The following EDNRA variants were observed in gnomAD, a reference collection of about 807,000 sequenced individuals.
EDNRA encodes endothelin-1 receptor.
In EDNRA, 11 loss-of-function variants were observed where a neutral mutation model predicts 41.4. The observed-to-expected ratio is 0.27, with a 90% CI of 0.17 to 0.44. The LOEUF (loss-of-function observed/expected upper bound fraction) is 0.44, where lower values mean the gene tolerates loss of function less well. EDNRA is among the 20% of genes least tolerant of loss of function. The probability of loss-of-function intolerance (pLI) is 1.00; values close to 1 mark genes in which losing one functional copy is unlikely to be tolerated. For synonymous variants in EDNRA, 172 were observed against 183.0 expected (o/e 0.94, Z 0.49); for missense variants, 294 against 531.0 (o/e 0.55, Z 4.39).
At chr4:147,515,121 A>G (rs1395014574) in intron 2 of EDNRA, among the ~76,000 whole-genome samples, 1 of 152,110 alleles carries the variant, frequency 6.6e-6, no homozygotes, top group East Asian at 1.9e-4. Flanking sequence ...GGGACCCTTA[A>G]AGACTACTAA....
chr4:147,513,142 C>T (rs150013003), intron 2 of EDNRA, among the ~76,000 whole-genome samples: 11 of 152,260 alleles, frequency 7.2e-5, no homozygotes, highest in Admixed American at 2.6e-4. Context: ...TCAGGGCCCA[C>T]GCTCTGAGCT....
intron 4 of EDNRA, among the ~76,000 whole-genome samples, chr4:147,533,547 T>A (rs1324503601): frequency 1.3e-5 from 2 of 152,236 alleles, no homozygotes; most frequent in Non-Finnish European, 2.9e-5. Context: ...CTTGGAAAAT[T>A]CACAGAATTC....
chr4:147,542,053 G>C (rs1442712546), intron 7 of EDNRA, among the ~76,000 whole-genome samples: 3 of 152,010 alleles, frequency 2.0e-5, no homozygotes, highest in South Asian at 2.1e-4. Flanking sequence ...TCATAAAATG[G>C]GGGAATAGCA....
At chr4:147,492,921 C>T (rs1195581121) in intron 2 of EDNRA, 1 of 152,126 alleles carries the variant, frequency 6.6e-6, no homozygotes, top group African/African-American at 2.4e-5. Context: ...TCATTGCCTT[C>T]TCTCATGGTC....
At chr4:147,502,367 C>G (rs1016773018) in intron 2 of EDNRA, among the ~76,000 whole-genome samples, 2 of 152,092 alleles carry the variant, frequency 1.3e-5, no homozygotes, top group Non-Finnish European at 2.9e-5. Flanking sequence ...TATATAAACT[C>G]TAATTATTAA....
chr4:147,496,442 TA>T (rs1286442616), intron 2 of EDNRA, among the ~76,000 whole-genome samples: 1 of 152,250 alleles, frequency 6.6e-6, no homozygotes, highest in African/African-American at 2.4e-5. Flanking sequence ...TAATACTTTT[TA>T]AACTTTTAAA....
At chr4:147,506,217 A>G in intron 2 of EDNRA, 1 of 521,888 alleles carries the variant, frequency 1.9e-6, no homozygotes, top group Non-Finnish European at 3.9e-6. Context: ...TCTTGCAAAT[A>G]TTCATGATAT....
At chr4:147,504,590 C>G (rs1323107362) in intron 2 of EDNRA, among the ~76,000 whole-genome samples, 1 of 151,880 alleles carries the variant, frequency 6.6e-6, no homozygotes, top group Non-Finnish European at 1.5e-5. Flanking sequence ...AAACATGATC[C>G]ATAAGGAAAA....
chr4:147,505,973 G>A (rs1195388032), intron 2 of EDNRA: 1 of 325,702 alleles, frequency 3.1e-6, no homozygotes, highest in African/African-American at 2.2e-5. Context: ...AACTAAATAT[G>A]CAATTACCAT....
rs562645351 is a variant in EDNRA at position 147,535,990 on chromosome 4, T to C, written c.861T>C (p.Asn287=). ...LMTCEMLNRR[N]GSLRIALSEH... is the part of the protein sequence containing the mutation. The stretch of plus-strand genomic sequence containing the variant: ...CTTGTGAGATGTTGAACAGAAGGAA[T>C]GGCAGCTTGAGAATTGCCCTCAGTG... The change falls in exon 5 of 8, where the codon AAT becomes AAC. Residue 287 remains asparagine (N), a synonymous_variant. Coordinates refer to ENST00000651419, the MANE Select transcript of EDNRA (RefSeq NM_001957.4). 4 of 1,614,026 alleles carry C rather than the reference T, an allele frequency of 2.5e-6. No homozygotes were observed. Among genetic ancestry groups the C allele is most frequent in the South Asian group, 2.2e-5 (2 of 91,076 alleles).
intron 2 of EDNRA, among the ~76,000 whole-genome samples, chr4:147,514,141 C>A (rs1349357554): frequency 1.3e-5 from 2 of 152,176 alleles, no homozygotes; most frequent in African/African-American, 4.8e-5. Flanking sequence ...CCCAAATGAG[C>A]ATCATATCCT....
At chr4:147,520,598 A>T (rs1337823102) in intron 3 of EDNRA, among the ~76,000 whole-genome samples, 3 of 152,226 alleles carry the variant, frequency 2.0e-5, no homozygotes. Flanking sequence ...TATTTTCTTT[A>T]CCTTCTGGTT....
chr4:147,528,398 C>T (rs1730629659), intron 3 of EDNRA, among the ~76,000 whole-genome samples: 1 of 147,736 alleles, frequency 6.8e-6, no homozygotes, highest in Admixed American at 6.8e-5. Flanking sequence ...TACTCTGTCA[C>T]CCAGGCTGGA....
At chr4:147,540,200 A>G (rs1731051100) in intron 6 of EDNRA, among the ~76,000 whole-genome samples, 177 bp from the exon 7 acceptor site, 1 of 152,198 alleles carries the variant, frequency 6.6e-6, no homozygotes, top group Non-Finnish European at 1.5e-5. Flanking sequence ...ATGTATCTGT[A>G]ACTGTCCTGC....
chr4:147,527,700 CTATT>C (rs1448375648), intron 3 of EDNRA, among the ~76,000 whole-genome samples: 2 of 152,156 alleles, frequency 1.3e-5, no homozygotes, highest in African/African-American at 2.4e-5. Flanking sequence ...ATGTAAAAAT[CTATT>C]TATAGGCACA....
chr4:147,497,774 G>A (rs980079732), intron 2 of EDNRA, among the ~76,000 whole-genome samples: 3 of 152,006 alleles, frequency 2.0e-5, no homozygotes, highest in East Asian at 1.9e-4. Context: ...AGGTTTCACC[G>A]TGTTAGCCAG....
chr4:147,483,150 AT>A (rs1728830195), intron 1 of EDNRA, among the ~76,000 whole-genome samples: 1 of 152,186 alleles, frequency 6.6e-6, no homozygotes, highest in African/African-American at 2.4e-5. Flanking sequence ...AGGTCTATCA[AT>A]TTTTGGCCAG....
chr4:147,509,832 G>T (rs1729858122), intron 2 of EDNRA, among the ~76,000 whole-genome samples: 1 of 151,928 alleles, frequency 6.6e-6, no homozygotes, highest in African/African-American at 2.4e-5. Context: ...TTACATTATG[G>T]TGAGTTGTAT....
At chr4:147,517,075 TG>T (rs1730141513) in intron 2 of EDNRA, among the ~76,000 whole-genome samples, 1 of 152,212 alleles carries the variant, frequency 6.6e-6, no homozygotes, top group South Asian at 2.1e-4. Context: ...TGGTTGCCTT[TG>T]GGCAGGGAGT....
Sources: allele counts gnomAD v4.1 joint callset (sites outside exome capture counted in the v4.1 genomes callset), GRCh38; gene constraint gnomAD v4.1.1; transcripts MANE v1.5; gene names NCBI Gene and HGNC (gene_info 2026-07-23, HGNC 2026-07-21).